The following MACROD2 variants were observed in gnomAD, a reference collection of about 807,000 sequenced individuals.
MACROD2 encodes the protein ADP-ribose glycohydrolase MACROD2.
A neutral mutation model predicts 70.4 loss-of-function variants in MACROD2; 36 were observed. The ratio of observed to expected loss-of-function variants is 0.51; its 90% confidence interval spans 0.39 to 0.68. The LOEUF (loss-of-function observed/expected upper bound fraction) is 0.68. MACROD2 is among the 30% of genes least tolerant of loss of function. The probability of loss-of-function intolerance (pLI) is 0.00; values close to 1 mark genes in which losing one functional copy is unlikely to be tolerated. For synonymous variants in MACROD2, 172 were observed against 178.8 expected (o/e 0.96, Z 0.30); for missense variants, 496 against 538.4 (o/e 0.92, Z 0.78).
chr20:15,617,201 T>C (rs994578632), intron 8 of MACROD2, among the ~76,000 whole-genome samples: 1 of 152,182 alleles, frequency 6.6e-6, no homozygotes, highest in Admixed American at 6.5e-5. Flanking sequence ...CCTACGAATA[T>C]ATGCTGAGAG....
intron 3 of MACROD2, among the ~76,000 whole-genome samples, chr20:14,154,393 T>C (rs1601288037): frequency 6.6e-6 from 1 of 150,506 alleles, no homozygotes; most frequent in Admixed American, 6.6e-5. Context: ...TCTTTTCTTT[T>C]TTTTTTTTTT....
intron 5 of MACROD2, among the ~76,000 whole-genome samples, chr20:14,881,332 T>C (rs1034317742): frequency 6.0e-5 from 9 of 150,526 alleles, no homozygotes; most frequent in African/African-American, 2.2e-4. Context: ...CTCTGTTGAC[T>C]TAAAGGTCAA....
chr20:14,306,687 G>T (rs2082523652), intron 3 of MACROD2, among the ~76,000 whole-genome samples: 1 of 152,084 alleles, frequency 6.6e-6, no homozygotes, highest in Non-Finnish European at 1.5e-5. Context: ...ACAAGTTGTA[G>T]AGGGTAGCAA....
intron 8 of MACROD2, among the ~76,000 whole-genome samples, chr20:15,655,162 G>C (rs1329228240): frequency 6.6e-6 from 1 of 151,934 alleles, no homozygotes; most frequent in Non-Finnish European, 1.5e-5. Context: ...GTGTGTGTGT[G>C]TAAAACACAT....
At chr20:15,801,289 G>A (rs1047011087) in intron 8 of MACROD2, among the ~76,000 whole-genome samples, 2 of 151,934 alleles carry the variant, frequency 1.3e-5, no homozygotes, top group African/African-American at 2.4e-5. Flanking sequence ...CTGGGAGGGA[G>A]TAATGTACAA....
At chr20:15,682,825 G>T (rs2050177969) in intron 8 of MACROD2, among the ~76,000 whole-genome samples, 1 of 152,178 alleles carries the variant, frequency 6.6e-6, no homozygotes, top group African/African-American at 2.4e-5. Flanking sequence ...TACCTTGCTG[G>T]TAAAATGAGT....
chr20:14,823,763 A>G (rs2072872827), intron 5 of MACROD2, among the ~76,000 whole-genome samples: 1 of 151,928 alleles, frequency 6.6e-6, no homozygotes, highest in Admixed American at 6.6e-5. Context: ...TCCCAAATAT[A>G]TTTGGTGGCT....
intron 10 of MACROD2, among the ~76,000 whole-genome samples, chr20:15,922,860 CAA>C (rs1196976594): frequency 6.6e-6 from 1 of 152,216 alleles, no homozygotes; most frequent in Non-Finnish European, 1.5e-5. Context: ...GGAGCTTCCC[CAA>C]AGTTTTGCTC....
In MACROD2 at chr20:14,928,155, C is replaced by T. The variant is rs74337963; in HGVS notation, c.418+243196C>T. 8.2e-3 allele frequency among the ~76,000 whole-genome samples: 1,254 copies of T among 152,286 alleles called. 23 individuals are homozygous for T. Among genetic ancestry groups the T allele is most frequent in the African/African-American group, 0.029 (1,187 of 41,558 alleles). ...TCTTCTTGTCCACCAGCTGCAGGAA[C>T]TCAGGGGTTTTACTACTTCATCCTT... On this transcript the variant is annotated intron_variant, in intron 5 of 17. Transcript: ENST00000684519.
chr20:14,301,718 TC>T (rs2082476623), intron 3 of MACROD2, among the ~76,000 whole-genome samples: 1 of 152,208 alleles, frequency 6.6e-6, no homozygotes, highest in South Asian at 2.1e-4. Flanking sequence ...ATTATTGCTG[TC>T]CCCTTAAAGC....
chr20:15,025,167 A>G (rs897611821), intron 5 of MACROD2, among the ~76,000 whole-genome samples: 5 of 152,150 alleles, frequency 3.3e-5, no homozygotes, highest in African/African-American at 1.2e-4. Flanking sequence ...AATAAAAATT[A>G]TCCATATTAT....
chr20:15,061,536 A>G (rs911864899), intron 5 of MACROD2, among the ~76,000 whole-genome samples: 1 of 152,058 alleles, frequency 6.6e-6, no homozygotes, highest in Non-Finnish European at 1.5e-5. Flanking sequence ...TCCCGTGCTG[A>G]TATTTCCTGG....
At chr20:14,985,619 A>G (rs1032785619) in intron 5 of MACROD2, among the ~76,000 whole-genome samples, 1 of 151,892 alleles carries the variant, frequency 6.6e-6, no homozygotes, top group African/African-American at 2.4e-5. Context: ...AAGTGCTTCC[A>G]GCTAATGGAG....
chr20:14,061,068 T>C (rs545972458), intron 2 of MACROD2, among the ~76,000 whole-genome samples: 1 of 152,236 alleles, frequency 6.6e-6, no homozygotes, highest in South Asian at 2.1e-4. Flanking sequence ...TTACTAATCA[T>C]TTGTATATGT....
chr20:14,343,519 C>A (rs2083036232), intron 3 of MACROD2, among the ~76,000 whole-genome samples: 1 of 152,182 alleles, frequency 6.6e-6, no homozygotes, highest in Admixed American at 6.5e-5. Context: ...TGCTTTTAAT[C>A]TTCATAGTGA....
chr20:15,426,594 C>T (rs1286674804), intron 6 of MACROD2, among the ~76,000 whole-genome samples: 7 of 152,094 alleles, frequency 4.6e-5, no homozygotes, highest in Non-Finnish European at 1.0e-4. Flanking sequence ...GATTTGTCTG[C>T]CTCGGCCTCA....
chr20:14,815,077 G>T (rs1005601161), intron 5 of MACROD2, among the ~76,000 whole-genome samples: 1 of 151,974 alleles, frequency 6.6e-6, no homozygotes, highest in African/African-American at 2.4e-5. Flanking sequence ...GCAGAACACT[G>T]GGGCCTCAAG....
At chr20:14,500,269 C>G (rs112560834) in intron 4 of MACROD2, among the ~76,000 whole-genome samples, 3,128 of 152,294 alleles carry the variant, frequency 0.021, 44 homozygotes, top group Non-Finnish European at 0.031. Context: ...AAGAGAGGAA[C>G]TCTGGTGCTG....
intron 7 of MACROD2, among the ~76,000 whole-genome samples, chr20:15,488,423 G>A (rs2047187610): frequency 1.3e-5 from 2 of 152,208 alleles, no homozygotes; most frequent in Non-Finnish European, 1.5e-5. Flanking sequence ...GAACAAGACA[G>A]ACAGAGCTCT....
Sources: gnomAD v4.1 joint callset for allele counts (sites outside exome capture counted in the v4.1 genomes callset) on GRCh38, gnomAD v4.1.1 for gene constraint, MANE v1.5 for transcripts, NCBI Gene and HGNC (gene_info 2026-07-23, HGNC 2026-07-21) for gene names.